The following CACNA2D3 variants were observed in gnomAD, a reference collection of about 807,000 sequenced individuals.
CACNA2D3 encodes the protein voltage-dependent calcium channel subunit alpha-2/delta-3.
CACNA2D3 carries 60 observed loss-of-function variants against 160.6 expected under a neutral mutation model. The observed-to-expected ratio is 0.37, with a 90% confidence interval of 0.30 to 0.46. The LOEUF (loss-of-function observed/expected upper bound fraction) is 0.46. Among genes scored for constraint, CACNA2D3 ranks in the 20% least tolerant of loss-of-function variants. CACNA2D3 has a pLI of 1.00. For synonymous variants in CACNA2D3, 558 were observed against 492.9 expected, an observed-to-expected ratio of 1.13 and a Z score of -1.75; for missense variants, 1,205 against 1,365.0, an observed-to-expected ratio of 0.88 and a Z score of 1.85.
At chr3:54,957,077 G>A (rs1559644647) in intron 27 of CACNA2D3, among the ~76,000 whole-genome samples, 1 of 152,126 alleles carries the variant, frequency 6.6e-6, no homozygotes, top group Non-Finnish European at 1.5e-5. Flanking sequence ...ATACTAGAGG[G>A]CTTCATAAAT....
intron 5 of CACNA2D3, among the ~76,000 whole-genome samples, chr3:54,512,200 C>T (rs1187896699): frequency 3.9e-5 from 6 of 152,172 alleles, no homozygotes; most frequent in East Asian, 1.9e-4. Context: ...GGCCAGCCAT[C>T]GGGCTCGCAC....
At chr3:54,462,380 A>T (rs536937319) in intron 4 of CACNA2D3, among the ~76,000 whole-genome samples, 2 of 152,270 alleles carry the variant, frequency 1.3e-5, no homozygotes, top group East Asian at 3.9e-4. Context: ...TGGGGTGTTA[A>T]CATCTCCCAT....
At chr3:54,485,236 T>C (rs1700997864) in intron 4 of CACNA2D3, among the ~76,000 whole-genome samples, 2 of 152,238 alleles carry the variant, frequency 1.3e-5, no homozygotes, top group South Asian at 2.1e-4. Flanking sequence ...GTTATCATCA[T>C]GCTTGAAGTA....
chr3:54,323,967 A>G (rs1240026103), intron 3 of CACNA2D3, among the ~76,000 whole-genome samples: 1 of 152,140 alleles, frequency 6.6e-6, no homozygotes, highest in African/African-American at 2.4e-5. Context: ...GACGTGTGTA[A>G]GAGAAACCTG....
intron 4 of CACNA2D3, among the ~76,000 whole-genome samples, chr3:54,400,866 G>A (rs1350241783): frequency 6.6e-6 from 1 of 152,082 alleles, no homozygotes; most frequent in Non-Finnish European, 1.5e-5. Context: ...CATTGCCAAA[G>A]TAACACAATA....
At chr3:54,818,876 TG>T (rs1703521452) in intron 14 of CACNA2D3, among the ~76,000 whole-genome samples, 1 of 152,194 alleles carries the variant, frequency 6.6e-6, no homozygotes. Context: ...CAGAACACTT[TG>T]GGGGTAGTTT....
intron 17 of CACNA2D3, among the ~76,000 whole-genome samples, chr3:54,865,629 C>T (rs1001580891): frequency 2.6e-5 from 4 of 152,322 alleles, no homozygotes; most frequent in Middle Eastern, 3.4e-3. Context: ...CAAGTCAGGT[C>T]GAACAATCTC....
intron 31 of CACNA2D3, among the ~76,000 whole-genome samples, chr3:55,002,157 C>CAA (rs543053532): frequency 2.3e-4 from 22 of 93,974 alleles, no homozygotes; most frequent in African/African-American, 6.0e-4. Context: ...GACTCCATAT[C>CAA]AAAAAAAAAA....
At chr3:54,506,738 T>C (rs1701377240) in intron 5 of CACNA2D3, among the ~76,000 whole-genome samples, 1 of 152,210 alleles carries the variant, frequency 6.6e-6, no homozygotes. Context: ...CAGCAGATGT[T>C]TGCTGAGTGG....
intron 18 of CACNA2D3, chr3:54,877,125 G>A (rs1699679090): frequency 6.6e-6 from 1 of 152,102 alleles, no homozygotes; most frequent in Admixed American, 6.5e-5. Flanking sequence ...TCCATTTAGT[G>A]GTTCATGAGC....
At chr3:55,010,228 C>T (rs571909540) in intron 34 of CACNA2D3, among the ~76,000 whole-genome samples, 2 of 152,064 alleles carry the variant, frequency 1.3e-5, no homozygotes, top group African/African-American at 4.8e-5. Flanking sequence ...ACACTGGGGC[C>T]TACTTGAGGT....
chr3:54,459,224 A>G (rs984574760), intron 4 of CACNA2D3, among the ~76,000 whole-genome samples: 41 of 151,946 alleles, frequency 2.7e-4, no homozygotes, highest in Admixed American at 2.2e-3. Context: ...TAGTGCTGCA[A>G]TAAACATATG....
At chr3:54,224,760 C>T (rs1359181998) in intron 2 of CACNA2D3, among the ~76,000 whole-genome samples, 1 of 152,014 alleles carries the variant, frequency 6.6e-6, no homozygotes, top group East Asian at 1.9e-4. Flanking sequence ...TTATTTCATA[C>T]AAAGTGTGTT....
chr3:54,855,739 C>G (rs773463472), intron 17 of CACNA2D3, among the ~76,000 whole-genome samples: 27 of 152,216 alleles, frequency 1.8e-4, no homozygotes, highest in Middle Eastern at 3.4e-3. Flanking sequence ...TTTCCATATT[C>G]CCTTCCAATA....
intron 4 of CACNA2D3, among the ~76,000 whole-genome samples, chr3:54,429,705 G>T (rs1008872258): frequency 1.3e-5 from 2 of 152,086 alleles, no homozygotes; most frequent in Admixed American, 6.6e-5. Context: ...CCTACCCTTG[G>T]TACCCAGCAA....
chr3:55,026,117 C>G (rs943067649), intron 35 of CACNA2D3, among the ~76,000 whole-genome samples: 2 of 152,188 alleles, frequency 1.3e-5, no homozygotes, highest in East Asian at 3.9e-4. Flanking sequence ...CCACACCTGC[C>G]CTCCTCTAAG....
intron 13 of CACNA2D3, among the ~76,000 whole-genome samples, chr3:54,812,138 A>G (rs1212112087): frequency 6.6e-6 from 1 of 152,148 alleles, no homozygotes; most frequent in African/African-American, 2.4e-5. Context: ...TGGCAGTAGG[A>G]TGGAGGGAGT....
chr3:54,828,911 A>G (rs1227473626), intron 14 of CACNA2D3, among the ~76,000 whole-genome samples: 2 of 152,268 alleles, frequency 1.3e-5, no homozygotes, highest in Non-Finnish European at 2.9e-5. Context: ...TTTAGTGATT[A>G]CACTTTACCA....
rs58651715 is a variant in CACNA2D3, at chr3:54,301,302, G to GAA, written c.205-19129_205-19128dup. Among the ~76,000 whole-genome samples the GAA allele has an allele frequency of 9.8e-4, 139 of 141,136 alleles. 1 individual carries two copies. Among genetic ancestry groups the GAA allele is most frequent in the African/African-American group, 1.6e-3 (61 of 38,162 alleles). The allele number at this position is 141,136 out of a possible 152,430, so 92.6% of individuals were successfully genotyped here. On this transcript the variant is annotated intron_variant, in intron 2 of 37. Transcript: ENST00000474759. ...ACAACAAACAAACAAACAAAAGACA[G>GAA]AAAAAAAAAAAAGAGGCCGGGGATG...
Sources: allele counts gnomAD v4.1 joint callset (sites outside exome capture counted in the v4.1 genomes callset), GRCh38; gene constraint gnomAD v4.1.1; transcripts MANE v1.5; gene names NCBI Gene and HGNC (gene_info 2026-07-23, HGNC 2026-07-21).